The following EXOC4 variants were observed in gnomAD, a reference collection of about 807,000 sequenced individuals.
The protein encoded by EXOC4 is exocyst complex component 4.
In EXOC4, 71 loss-of-function variants were observed where a neutral mutation model predicts 107.2. The ratio of observed to expected loss-of-function variants is 0.66; its 90% confidence interval spans 0.55 to 0.81. The LOEUF is 0.81. Ranked by LOEUF, EXOC4 falls within the 30% of genes least tolerant of loss-of-function variation. EXOC4 has a pLI of 0.00. For synonymous variants in EXOC4, 456 were observed against 441.2 expected (o/e 1.03, Z -0.42); for missense variants, 1,108 against 1,189.6 (o/e 0.93, Z 1.01).
intron 5 of EXOC4, among the ~76,000 whole-genome samples, chr7:133,338,717 G>C (rs903762203): frequency 1.3e-5 from 2 of 150,542 alleles, no homozygotes; most frequent in Non-Finnish European, 3.0e-5. Context: ...GCACCCACAG[G>C]AGCAGTGTAC....
chr7:133,841,075 G>C (rs1437910852), intron 11 of EXOC4, among the ~76,000 whole-genome samples: 3 of 152,154 alleles, frequency 2.0e-5, no homozygotes, highest in African/African-American at 7.2e-5. Flanking sequence ...AGATCAAAGT[G>C]CTGGCAGATT....
chr7:133,979,832 C>G (rs913140284), intron 14 of EXOC4, among the ~76,000 whole-genome samples: 1 of 152,060 alleles, frequency 6.6e-6, no homozygotes, highest in Non-Finnish European at 1.5e-5. Flanking sequence ...GTTAAAGAAC[C>G]TAGCTTGGCA....
chr7:133,835,551 CTT>C (rs202141673), intron 11 of EXOC4, among the ~76,000 whole-genome samples: 3,632 of 152,244 alleles, frequency 0.024, 147 homozygotes, highest in African/African-American at 0.083. Flanking sequence ...AGAGGGATGA[CTT>C]TGAATAGAAT....
chr7:133,324,253 C>A (rs1226494156), intron 5 of EXOC4, among the ~76,000 whole-genome samples: 2 of 152,118 alleles, frequency 1.3e-5, no homozygotes, highest in African/African-American at 4.8e-5. Flanking sequence ...CTTCTGCTAG[C>A]TTTTGAATGT....
chr7:133,305,853 T>G, intron 3 of EXOC4, 24 bp from the exon 4 acceptor site: 2 of 1,560,750 alleles, frequency 1.3e-6, no homozygotes, highest in Non-Finnish European at 1.7e-6. Context: ...TACTTAATTG[T>G]CTTTCATTTT....
At chr7:133,989,224 C>CTATAA (rs1365844867) in intron 14 of EXOC4, among the ~76,000 whole-genome samples, 1 of 152,078 alleles carries the variant, frequency 6.6e-6, no homozygotes, top group African/African-American at 2.4e-5. Context: ...GATGTATCAC[C>CTATAA]TATAAAAAGA....
chr7:133,658,151 G>A (rs1001709864), intron 10 of EXOC4, among the ~76,000 whole-genome samples: 1 of 152,142 alleles, frequency 6.6e-6, no homozygotes, highest in Non-Finnish European at 1.5e-5. Context: ...CTGTCAGAAA[G>A]TACAGCATGT....
At chr7:134,029,481 G>C (rs954702371) in intron 17 of EXOC4, among the ~76,000 whole-genome samples, 1 of 149,482 alleles carries the variant, frequency 6.7e-6, no homozygotes, top group African/African-American at 2.4e-5. Context: ...TTTCTTTTTG[G>C]TGGTCTATTG....
intron 9 of EXOC4, among the ~76,000 whole-genome samples, chr7:133,523,657 T>C (rs985806405): frequency 2.0e-5 from 3 of 151,892 alleles, no homozygotes; most frequent in Non-Finnish European, 2.9e-5. Flanking sequence ...GTGATCTCAT[T>C]GTTCAGTTCC....
At chr7:134,003,286 G>T (rs903860194) in intron 15 of EXOC4, among the ~76,000 whole-genome samples, 6 of 152,176 alleles carry the variant, frequency 3.9e-5, no homozygotes, top group Non-Finnish European at 7.4e-5. Context: ...GTTGCCAAAG[G>T]TTTGGGAGTT....
At chr7:133,736,030 A>G (rs749558271) in intron 10 of EXOC4, among the ~76,000 whole-genome samples, 1 of 152,048 alleles carries the variant, frequency 6.6e-6, no homozygotes, top group Non-Finnish European at 1.5e-5. Flanking sequence ...CGGAGATTGC[A>G]GTGAGCCTGC....
chr7:133,756,018 C>T (rs1319718445), intron 10 of EXOC4, among the ~76,000 whole-genome samples: 1 of 152,168 alleles, frequency 6.6e-6, no homozygotes, highest in Non-Finnish European at 1.5e-5. Flanking sequence ...ACATCATGTT[C>T]TATCCCAACA....
chr7:133,310,112 T>G (rs1224746522), intron 4 of EXOC4, among the ~76,000 whole-genome samples: 1 of 152,250 alleles, frequency 6.6e-6, no homozygotes, highest in East Asian at 1.9e-4. Context: ...TCGACTTTAA[T>G]AATTAGAGAA....
chr7:133,309,899 C>G (rs1023422698), intron 4 of EXOC4, among the ~76,000 whole-genome samples: 1 of 152,084 alleles, frequency 6.6e-6, no homozygotes, highest in Non-Finnish European at 1.5e-5. Flanking sequence ...GAGATCACAC[C>G]ACTGCATTCC....
At chr7:133,466,271 GA>G (rs1798724908) in intron 7 of EXOC4, among the ~76,000 whole-genome samples, 1 of 151,804 alleles carries the variant, frequency 6.6e-6, no homozygotes, top group South Asian at 2.1e-4. Flanking sequence ...GAGGTCTTTT[GA>G]AAAGATCAAA....
chr7:134,088,046 C>T, the EXOC4 span, among the ~76,000 whole-genome samples: 1 of 152,180 alleles, frequency 6.6e-6, no homozygotes, highest in South Asian at 2.1e-4. Context: ...AATTCCTCTC[C>T]TCTTGAGGTT....
At chr7:133,714,759 G>A (rs1292965856) in intron 10 of EXOC4, among the ~76,000 whole-genome samples, 3 of 152,226 alleles carry the variant, frequency 2.0e-5, no homozygotes, top group African/African-American at 7.2e-5. Context: ...TTTATATCAG[G>A]TACTTGAGCA....
intron 10 of EXOC4, among the ~76,000 whole-genome samples, chr7:133,707,056 A>T (rs1794783457): frequency 6.6e-6 from 1 of 150,982 alleles, no homozygotes; most frequent in Non-Finnish European, 1.5e-5. Flanking sequence ...GTGTGTGTAC[A>T]CATTAAGTGG....
intron 8 of EXOC4, 32 bp from the exon 9 acceptor site, chr7:133,480,018 T>C (rs1563081546): frequency 1.0e-5 from 16 of 1,584,710 alleles, no homozygotes; most frequent in Non-Finnish European, 1.4e-5. Flanking sequence ...GGTTTACACC[T>C]GCTTGTCTGT....
Sources: gnomAD v4.1 joint callset for allele counts (sites outside exome capture counted in the v4.1 genomes callset) on GRCh38, gnomAD v4.1.1 for gene constraint, MANE v1.5 for transcripts, NCBI Gene and HGNC (gene_info 2026-07-23, HGNC 2026-07-21) for gene names.